The following PDK1 variants were observed in gnomAD, a reference collection of about 807,000 sequenced individuals.
The protein encoded by PDK1 is [Pyruvate dehydrogenase (acetyl-transferring)] kinase isozyme 1, mitochondrial.
A neutral mutation model predicts 54.2 loss-of-function variants in PDK1; 39 were observed. The observed-to-expected ratio is 0.72, with a 90% CI of 0.56 to 0.94. The LOEUF (loss-of-function observed/expected upper bound fraction) is 0.94. PDK1 is among the 40% of genes least tolerant of loss of function. The pLI is 0.00. For missense variants in PDK1, 552 were observed against 566.0 expected (o/e 0.98, Z 0.25); for synonymous variants, 221 against 207.1 (o/e 1.07, Z -0.58).
the PDK1 span, among the ~76,000 whole-genome samples, chr2:172,618,493 G>A: frequency 6.6e-6 from 1 of 152,158 alleles, no homozygotes; most frequent in Non-Finnish European, 1.5e-5. Context: ...GGAAAGAGTA[G>A]AAGTAAAATT....
the PDK1 span, among the ~76,000 whole-genome samples, chr2:172,693,633 C>G: frequency 0.22 from 32,955 of 151,946 alleles, 4,072 homozygotes; most frequent in African/African-American, 0.34. Context: ...CAGAGTTGGG[C>G]AGAGGACAAA....
the PDK1 span, among the ~76,000 whole-genome samples, chr2:172,684,537 A>G: frequency 9.9e-5 from 15 of 152,218 alleles, no homozygotes; most frequent in African/African-American, 3.1e-4. Flanking sequence ...CAAGACCAGT[A>G]AACCAATCTG....
the PDK1 span, among the ~76,000 whole-genome samples, chr2:172,687,043 C>A: frequency 6.6e-6 from 1 of 152,098 alleles, no homozygotes; most frequent in African/African-American, 2.4e-5. Flanking sequence ...TGGTTGAGCT[C>A]ATTCATAAGA....
chr2:172,648,859 C>T, the PDK1 span, among the ~76,000 whole-genome samples: 16 of 152,310 alleles, frequency 1.1e-4, no homozygotes, highest in South Asian at 2.1e-4. Flanking sequence ...TGAAGCCCAC[C>T]GCAGCTTAAG....
chr2:172,666,492 TGACGCAGG>T, the PDK1 span, among the ~76,000 whole-genome samples: 3 of 152,222 alleles, frequency 2.0e-5, no homozygotes, highest in East Asian at 5.8e-4. Context: ...TTCTTATCCC[TGACGCAGG>T]TAGCCCCTAC....
chr2:172,652,857 G>A, the PDK1 span, among the ~76,000 whole-genome samples: 14 of 152,184 alleles, frequency 9.2e-5, no homozygotes, highest in Non-Finnish European at 1.8e-4. Context: ...CATGCTCATG[G>A]ATAGGAAGAA....
At chr2:172,589,767 A>G (rs1690469240) in intron 9 of PDK1, among the ~76,000 whole-genome samples, 1 of 152,226 alleles carries the variant, frequency 6.6e-6, no homozygotes, top group South Asian at 2.1e-4. Flanking sequence ...TGCTATATGG[A>G]ATGTCATCAA....
Position 172,601,296 on chromosome 2 carries a change from C to G in PDK1, c.*5327C>G, listed in dbSNP as rs1691107453. 6.6e-6 allele frequency: 1 copy of G among 152,106 alleles called. No homozygotes were observed. Among genetic ancestry groups the G allele is most frequent in the Admixed American group, 6.5e-5 (1 of 15,268 alleles). The allele number at this position is 152,106 out of a possible 1,614,324, so 9.4% of individuals were successfully genotyped here. On this transcript the variant is annotated 3_prime_UTR_variant, in exon 11 of 11. Transcript: ENST00000282077. ...TAAGAGGAGTAGCAAAACAGCACTGCTAAAGTTACGGGTTTATTTTAAAGT... is the reference window on the plus strand; with the variant it reads ...TAAGAGGAGTAGCAAAACAGCACTGGTAAAGTTACGGGTTTATTTTAAAGT...
the PDK1 span, among the ~76,000 whole-genome samples, chr2:172,720,206 CTGGATTCAAG>C: frequency 7.8e-3 from 1,184 of 151,274 alleles, 18 homozygotes; most frequent in African/African-American, 0.027. Context: ...CCTCTGCCTC[CTGGATTCAAG>C]TGATTCTCAT....
At chr2:172,590,857 G>T (rs1690532557) in intron 9 of PDK1, among the ~76,000 whole-genome samples, 1 of 151,802 alleles carries the variant, frequency 6.6e-6, no homozygotes, top group African/African-American at 2.4e-5. Context: ...CAATCCTTTA[G>T]CTAGACAGAA....
intron 5 of PDK1, among the ~76,000 whole-genome samples, chr2:172,566,484 G>T (rs967198031): frequency 2.6e-5 from 4 of 152,092 alleles, no homozygotes; most frequent in Non-Finnish European, 5.9e-5. Context: ...TTGAACCAGG[G>T]AGGTGGAGGC....
At chr2:172,692,345 A>T in the PDK1 span, among the ~76,000 whole-genome samples, 1 of 152,242 alleles carries the variant, frequency 6.6e-6, no homozygotes, top group African/African-American at 2.4e-5. Flanking sequence ...CTCTGGGATT[A>T]TATAATAGTA....
chr2:172,637,261 C>G, the PDK1 span, among the ~76,000 whole-genome samples: 1 of 152,194 alleles, frequency 6.6e-6, no homozygotes, highest in Admixed American at 6.5e-5. Context: ...GTTTGGTGCT[C>G]TGTTCTGGAA....
the PDK1 span, among the ~76,000 whole-genome samples, chr2:172,625,573 C>G: frequency 6.6e-6 from 1 of 152,162 alleles, no homozygotes; most frequent in African/African-American, 2.4e-5. Flanking sequence ...CTGAATCTGT[C>G]TCATCTTTTG....
chr2:172,668,109 C>T, the PDK1 span, among the ~76,000 whole-genome samples: 11 of 152,308 alleles, frequency 7.2e-5, no homozygotes, highest in East Asian at 2.1e-3. Flanking sequence ...TTCTCCACTT[C>T]TGTTTTCTGG....
chr2:172,702,376 C>G, the PDK1 span, among the ~76,000 whole-genome samples: 1 of 151,794 alleles, frequency 6.6e-6, no homozygotes, highest in Non-Finnish European at 1.5e-5. Flanking sequence ...ACTCGGGAGG[C>G]TGGGGCAGAA....
At chr2:172,705,130 C>T in the PDK1 span, among the ~76,000 whole-genome samples, 2 of 152,096 alleles carry the variant, frequency 1.3e-5, no homozygotes, top group East Asian at 1.9e-4. Context: ...ACACTTTGAG[C>T]GGGCAGATTT....
At chr2:172,690,166 C>G in the PDK1 span, among the ~76,000 whole-genome samples, 1 of 150,290 alleles carries the variant, frequency 6.7e-6, no homozygotes, top group Non-Finnish European at 1.5e-5. Flanking sequence ...AAAAAACAAA[C>G]AACCGCATCA....
chr2:172,582,319 T>C (rs1350557072), intron 8 of PDK1, among the ~76,000 whole-genome samples: 1 of 152,204 alleles, frequency 6.6e-6, no homozygotes, highest in Non-Finnish European at 1.5e-5. Context: ...TTAGGAACTC[T>C]GGGTGAATAC....
Sources: allele counts gnomAD v4.1 joint callset (sites outside exome capture counted in the v4.1 genomes callset), GRCh38; gene constraint gnomAD v4.1.1; transcripts MANE v1.5; gene names NCBI Gene and HGNC (gene_info 2026-07-23, HGNC 2026-07-21).